The following PARD3B variants were observed in gnomAD, a reference collection of about 807,000 sequenced individuals.
PARD3B encodes the protein par-3 family cell polarity regulator beta.
Under a neutral mutation model 130.2 loss-of-function variants are expected in PARD3B, and 103 were observed. That is an observed-to-expected ratio of 0.79 (90% CI 0.67 to 0.93). The LOEUF is 0.93. PARD3B is among the 40% of genes least tolerant of loss of function. The probability of loss-of-function intolerance (pLI) is 0.00; values close to 1 mark genes in which losing one functional copy is unlikely to be tolerated. For synonymous variants in PARD3B, 583 were observed against 553.2 expected (o/e 1.05, Z -0.76); for missense variants, 1,609 against 1,499.2 (o/e 1.07, Z -1.21).
intron 3 of PARD3B, among the ~76,000 whole-genome samples, chr2:204,989,332 G>C (rs959003283): frequency 2.0e-5 from 3 of 152,156 alleles, no homozygotes; most frequent in Non-Finnish European, 4.4e-5. Context: ...AGTATGGTGA[G>C]ATTTTTCTGG....
intron 18 of PARD3B, among the ~76,000 whole-genome samples, chr2:205,354,182 G>A (rs1402009455): frequency 6.6e-6 from 1 of 151,226 alleles, no homozygotes; most frequent in Non-Finnish European, 1.5e-5. Flanking sequence ...GGGACCACAG[G>A]CACATGCCAC....
intron 21 of PARD3B, among the ~76,000 whole-genome samples, chr2:205,548,734 C>T (rs1019248957): frequency 6.6e-6 from 1 of 151,838 alleles, no homozygotes; most frequent in South Asian, 2.1e-4. Flanking sequence ...GATATAAGAC[C>T]AAAGGCATGA....
intron 3 of PARD3B, among the ~76,000 whole-genome samples, chr2:205,043,117 C>T (rs1272274568): frequency 6.6e-6 from 1 of 152,072 alleles, no homozygotes; most frequent in Non-Finnish European, 1.5e-5. Context: ...ACTCCCTTCT[C>T]ACCTCATCTT....
At chr2:204,985,612 G>A (rs751696500) in intron 3 of PARD3B, among the ~76,000 whole-genome samples, 3 of 152,240 alleles carry the variant, frequency 2.0e-5, no homozygotes, top group East Asian at 1.9e-4. Flanking sequence ...AGCATCTGCC[G>A]CCCTGACTTC....
At chr2:204,668,266 C>G (rs1485803091) in intron 1 of PARD3B, among the ~76,000 whole-genome samples, 1 of 152,140 alleles carries the variant, frequency 6.6e-6, no homozygotes, top group East Asian at 1.9e-4. Flanking sequence ...GGCATCTGTT[C>G]TGATTGATTA....
intron 2 of PARD3B, among the ~76,000 whole-genome samples, chr2:204,691,655 A>C (rs563952257): frequency 3.3e-5 from 5 of 152,116 alleles, no homozygotes; most frequent in Non-Finnish European, 7.4e-5. Context: ...TATAGCATAT[A>C]CTGAGAACTC....
intron 3 of PARD3B, among the ~76,000 whole-genome samples, chr2:204,981,437 A>G (rs995570191): frequency 6.6e-6 from 1 of 152,228 alleles, no homozygotes; most frequent in African/African-American, 2.4e-5. Flanking sequence ...ATAATTTCAT[A>G]AAATAGAAGG....
At chr2:205,499,570 G>A (rs962124549) in intron 20 of PARD3B, among the ~76,000 whole-genome samples, 2 of 152,148 alleles carry the variant, frequency 1.3e-5, no homozygotes, top group East Asian at 1.9e-4. Context: ...ATATTAAAAT[G>A]TGACAAAACT....
intron 18 of PARD3B, among the ~76,000 whole-genome samples, chr2:205,399,624 G>A (rs1228476675): frequency 3.9e-5 from 6 of 152,096 alleles, no homozygotes; most frequent in Admixed American, 3.3e-4. Flanking sequence ...CAAAGTGCTG[G>A]GATTACAGGC....
intron 22 of PARD3B, among the ~76,000 whole-genome samples, chr2:205,583,398 T>TGTGTGTGC (rs1174880697): frequency 1.4e-5 from 1 of 69,596 alleles, no homozygotes; most frequent in African/African-American, 4.5e-5. Flanking sequence ...TGTGTGTGTG[T>TGTGTGTGC]GTGCGCGCGC....
intron 2 of PARD3B, among the ~76,000 whole-genome samples, chr2:204,865,697 G>A (rs2045383131): frequency 1.3e-5 from 2 of 152,110 alleles, no homozygotes; most frequent in South Asian, 4.1e-4. Flanking sequence ...CACTGCTCAG[G>A]TGATGGGTAT....
chr2:205,587,318 T>C lies in PARD3B; in HGVS notation c.3261-28138T>C, dbSNP rs1361540772. On this transcript the variant is annotated intron_variant, in intron 22 of 22. Coordinates refer to ENST00000406610, the MANE Select transcript of PARD3B (RefSeq NM_001302769.2). ...TCGGTTTTGCTTCTTAGCATTTTTA[T>C]GAAGAAGCTACTTAATGGAAAAGGA... Among the ~76,000 whole-genome samples, 2 of 144,566 alleles carry C rather than the reference T, an allele frequency of 1.4e-5. 1 individual carries two copies. The highest frequency in any genetic ancestry group is 1.4e-4 in the Admixed American group (2 of 14,544). 94.8% of individuals were successfully genotyped at this position (144,566 alleles called of 152,430 possible). A position where few individuals can be genotyped will look rare whatever the true frequency, so the allele number is the denominator to read the frequency against.
At chr2:205,213,420 C>T (rs2037749121) in intron 15 of PARD3B, among the ~76,000 whole-genome samples, 1 of 152,032 alleles carries the variant, frequency 6.6e-6, no homozygotes, top group Non-Finnish European at 1.5e-5. Flanking sequence ...TCTTGGGCAC[C>T]TCCCTTCACC....
At chr2:205,377,080 CAG>C (rs1397906063) in intron 18 of PARD3B, among the ~76,000 whole-genome samples, 2 of 152,114 alleles carry the variant, frequency 1.3e-5, no homozygotes, top group Admixed American at 1.3e-4. Flanking sequence ...TCTGTGAAAT[CAG>C]AACCTTATTA....
intron 1 of PARD3B, among the ~76,000 whole-genome samples, chr2:204,601,510 G>A (rs750014150): frequency 6.6e-6 from 1 of 151,958 alleles, no homozygotes; most frequent in African/African-American, 2.4e-5. Context: ...TATGTGATAT[G>A]AATTTTGAAT....
rs574180530 is a variant in PARD3B at position 204,980,670 on chromosome 2, C to G, written c.394+15347C>G. Reference sequence around the variant, plus strand: ...TATTCTTCCTCCAAATCCATACCCCCAGGCTAATCATGAGAAGAACATCAA... The same window carrying G: ...TATTCTTCCTCCAAATCCATACCCCGAGGCTAATCATGAGAAGAACATCAA... On this transcript the variant is annotated intron_variant, in intron 3 of 22. Coordinates refer to ENST00000406610, the MANE Select transcript of PARD3B (RefSeq NM_001302769.2). 5.9e-5 allele frequency among the ~76,000 whole-genome samples: 9 copies of G among 152,254 alleles called. No homozygotes were observed. In the East Asian group the frequency reaches 1.7e-3, roughly 29 times the overall value.
Position 204,998,333 on chromosome 2 carries a change from T to C in PARD3B, c.394+33010T>C, listed in dbSNP as rs868357635. The stretch of plus-strand genomic sequence containing the variant: ...TAAAGTATATATATATATATATATA[T>C]ATATATATATATATATATATATATA... On this transcript the variant is annotated intron_variant, in intron 3 of 22. Transcript: ENST00000406610. 5.6e-4 allele frequency among the ~76,000 whole-genome samples: 22 copies of C among 39,034 alleles called. 1 individual carries two copies. Among genetic ancestry groups the C allele is most frequent in the East Asian group, 4.8e-3 (5 of 1,046 alleles). 25.6% of individuals were successfully genotyped at this position (39,034 alleles called of 152,430 possible). A position where few individuals can be genotyped will look rare whatever the true frequency, so the allele number is the denominator to read the frequency against.
intron 18 of PARD3B, among the ~76,000 whole-genome samples, chr2:205,310,772 G>A (rs2042358121): frequency 2.4e-5 from 3 of 123,040 alleles, no homozygotes; most frequent in African/African-American, 8.9e-5. Flanking sequence ...CATCCAGGCT[G>A]GAGTGCAGTG....
Position 205,470,173 on chromosome 2 carries a change from A to G in PARD3B, c.3044+29501A>G, listed in dbSNP as rs141482934. 7.6e-4 allele frequency among the ~76,000 whole-genome samples: 116 copies of G among 152,280 alleles called. No individual in the cohort carries two copies. Among genetic ancestry groups the G allele is most frequent in the Middle Eastern group, 3.4e-3 (1 of 294 alleles). ...AGTTCCAAAATTATATGGTTCTGCA[A>G]TTCTTTAATGGAAGCAAAATAGGAG... On this transcript the variant is annotated intron_variant, in intron 20 of 22. Transcript: ENST00000406610. This position sits in a 1 kb window ranked among gnomAD's most constrained non-coding sequence, Gnocchi z 4.8.
Sources: gnomAD v4.1 joint callset for allele counts (sites outside exome capture counted in the v4.1 genomes callset) on GRCh38, gnomAD v4.1.1 for gene constraint, Gnocchi (gnomAD v3.1) non-coding constraint, MANE v1.5 for transcripts, NCBI Gene and HGNC (gene_info 2026-07-23, HGNC 2026-07-21) for gene names.